The following SNX14 variants were observed in gnomAD, a reference collection of about 807,000 sequenced individuals.
SNX14 encodes sorting nexin-14.
Under a neutral mutation model 133.8 loss-of-function variants are expected in SNX14, and 93 were observed. That is an observed-to-expected ratio of 0.70 (90% CI 0.59 to 0.83). The LOEUF is 0.83. Ranked by LOEUF, SNX14 falls within the 40% of genes least tolerant of loss-of-function variation. SNX14 has a pLI of 0.00. For synonymous variants in SNX14, 368 were observed against 365.6 expected (o/e 1.01, Z -0.07); for missense variants, 945 against 1,094.9 (o/e 0.86, Z 1.93).
rs1316526412 is a variant in SNX14, at chr6:85,593,574, G to T, written c.140+5C>A. On this transcript the variant is annotated splice_donor_5th_base_variant and intron_variant, in intron 1 of 28. Transcript: ENST00000314673. ...CGCCGCCCAGGCTCCGCGCTGCGGC[G>T]TTACCTGTTAAGAAGCAGGGAGGCG... 1 of 1,608,416 alleles carries T rather than the reference G, an allele frequency of 6.2e-7. No individual in the cohort carries two copies. The highest frequency in any genetic ancestry group is 8.5e-7 in the Non-Finnish European group (1 of 1,177,882).
chr6:85,562,565 T>C (rs1792005098), intron 6 of SNX14, among the ~76,000 whole-genome samples: 1 of 149,796 alleles, frequency 6.7e-6, no homozygotes, highest in Non-Finnish European at 1.5e-5. Flanking sequence ...AATAAATCTT[T>C]GAACATACTT....
chr6:85,583,778 C>T (rs1799790672), intron 1 of SNX14, among the ~76,000 whole-genome samples: 1 of 152,164 alleles, frequency 6.6e-6, no homozygotes. Context: ...ACATTCCATG[C>T]TCATGGATAG....
At chr6:85,506,968 TTC>T (rs1770925735) in intron 28 of SNX14, among the ~76,000 whole-genome samples, 1 of 152,296 alleles carries the variant, frequency 6.6e-6, no homozygotes, top group African/African-American at 2.4e-5. Context: ...CACTCACTTC[TTC>T]CCCTGGAAAG....
chr6:85,553,129 G>A (rs2128119594), intron 7 of SNX14, among the ~76,000 whole-genome samples: 1 of 152,274 alleles, frequency 6.6e-6, no homozygotes, highest in Admixed American at 6.5e-5. Flanking sequence ...AGCAATAAAT[G>A]CCTCACGTTC....
intron 4 of SNX14, among the ~76,000 whole-genome samples, chr6:85,571,034 T>G (rs929197245): frequency 2.6e-5 from 4 of 151,906 alleles, no homozygotes; most frequent in African/African-American, 9.7e-5. Context: ...ACAGAAGTCT[T>G]AAATCAGGGT....
chr6:85,528,836 C>T (rs1779281064), intron 19 of SNX14, among the ~76,000 whole-genome samples: 1 of 152,114 alleles, frequency 6.6e-6, no homozygotes, highest in Admixed American at 6.6e-5. Flanking sequence ...GCGAGCAGAT[C>T]ACTTGAGGTC....
At chr6:85,508,470 A>T (rs1156496802) in intron 26 of SNX14, 2 of 794,312 alleles carry the variant, frequency 2.5e-6, no homozygotes, top group African/African-American at 1.9e-5. Context: ...GTAAGGATTA[A>T]CACCCAATGT....
chr6:85,544,860 C>T lies in SNX14; in HGVS notation c.1109-1100G>A, dbSNP rs934909686. The stretch of plus-strand genomic sequence containing the variant: ...AGCAGAAAGAAACAATATTAGAAAC[C>T]TGGTTCTGCAGAAAGAAATGAAGAG... On this transcript the variant is annotated intron_variant, in intron 12 of 28. Coordinates refer to ENST00000314673, the MANE Select transcript of SNX14 (RefSeq NM_153816.6). Among the ~76,000 whole-genome samples the T allele has an allele frequency of 2.0e-5, 3 of 152,094 alleles. No homozygotes were observed. In the East Asian group the frequency reaches 5.8e-4, roughly 29 times the overall value.
intron 7 of SNX14, among the ~76,000 whole-genome samples, chr6:85,553,689 G>C (rs983578945): frequency 2.0e-5 from 3 of 152,072 alleles, no homozygotes; most frequent in Non-Finnish European, 2.9e-5. Context: ...GGGAGGCTGA[G>C]GCAGGAGAAT....
intron 15 of SNX14, among the ~76,000 whole-genome samples, chr6:85,540,412 C>T (rs1444714303): frequency 1.3e-5 from 2 of 152,132 alleles, no homozygotes; most frequent in Non-Finnish European, 2.9e-5. Flanking sequence ...CTCAAGTATG[C>T]CAGTACATTT....
chr6:85,590,052 C>T (rs898209988), intron 1 of SNX14, among the ~76,000 whole-genome samples: 1 of 152,178 alleles, frequency 6.6e-6, no homozygotes, highest in African/African-American at 2.4e-5. Context: ...GGGCATAGTC[C>T]AGTATCAAAA....
intron 20 of SNX14, among the ~76,000 whole-genome samples, chr6:85,527,396 T>C (rs1355349741): frequency 1.7e-5 from 1 of 60,274 alleles, no homozygotes; most frequent in African/African-American, 1.9e-4. Context: ...TATATATATA[T>C]ATTTTTTTTT....
chr6:85,526,797 C>T (rs377659458), intron 20 of SNX14, among the ~76,000 whole-genome samples: 6 of 152,266 alleles, frequency 3.9e-5, no homozygotes, highest in South Asian at 2.1e-4. Flanking sequence ...GGGCTGGGTG[C>T]GGTGGCTCAT....
intron 23 of SNX14, among the ~76,000 whole-genome samples, chr6:85,515,277 A>C (rs866702678): frequency 5.6e-4 from 83 of 148,440 alleles, no homozygotes; most frequent in South Asian, 8.6e-4. Context: ...AAAAAAAAAA[A>C]AAAAAAAAAA....
rs942200467 is a variant in SNX14, at chr6:85,593,497, C to G, written c.140+82G>C. The G allele has an allele frequency of 1.1e-5, 16 of 1,490,644 alleles. No individual in the cohort carries two copies. The African/African-American group carries it at 2.0e-4, about 18-fold the overall frequency. 92.3% of individuals were successfully genotyped at this position (1,490,644 alleles called of 1,614,324 possible). ...GTCCCCAGTCCCGCAGCTACGCGGC[C>G]TCCGCACGGTTAAGCAGCACGGGCC... On this transcript the variant is annotated intron_variant, in intron 1 of 28. Transcript: ENST00000314673.
At chr6:85,543,113 C>T (rs948603547) in intron 14 of SNX14, 69 bp downstream of exon 14, 4 of 1,325,574 alleles carry the variant, frequency 3.0e-6, no homozygotes, top group Non-Finnish European at 4.0e-6. Context: ...AATCACTCAT[C>T]TAATGATATC....
chr6:85,557,503 G>C (rs1016954375), intron 7 of SNX14, among the ~76,000 whole-genome samples: 2 of 152,136 alleles, frequency 1.3e-5, no homozygotes, highest in African/African-American at 4.8e-5. Flanking sequence ...ATAATATAGT[G>C]AAAGACAAGA....
chr6:85,547,610 TCTCATAA>T (rs1443245533), intron 9 of SNX14, 60 bp from the exon 10 acceptor site: 1 of 1,342,806 alleles, frequency 7.4e-7, no homozygotes, highest in African/African-American at 1.5e-5. Context: ...TCCCCAGAAT[TCTCATAA>T]CTTGTATCAT....
intron 18 of SNX14, among the ~76,000 whole-genome samples, chr6:85,531,009 G>T (rs963080245): frequency 1.3e-5 from 2 of 152,060 alleles, no homozygotes; most frequent in African/African-American, 2.4e-5. Context: ...CTGCAGTTAC[G>T]AAGATGCTCC....
Sources: allele counts gnomAD v4.1 joint callset (sites outside exome capture counted in the v4.1 genomes callset), GRCh38; gene constraint gnomAD v4.1.1; transcripts MANE v1.5; gene names NCBI Gene and HGNC (gene_info 2026-07-23, HGNC 2026-07-21).